Variants in ASXL3 observed in about 807,000 individuals in gnomAD.
The protein encoded by ASXL3 is ASXL transcriptional regulator 3.
ASXL3 carries 34 observed loss-of-function variants against 170.6 expected under a neutral mutation model. The ratio of observed to expected loss-of-function variants is 0.20; its 90% CI spans 0.15 to 0.27. The LOEUF (loss-of-function observed/expected upper bound fraction) is 0.27, where lower values mean the gene tolerates loss of function less well. Among genes scored for constraint, ASXL3 ranks in the 10% least tolerant of loss-of-function variants. The pLI is 1.00. For missense variants in ASXL3, 2,592 were observed against 2,695.3 expected (o/e 0.96, Z 0.85); for synonymous variants, 1,002 against 989.1 (o/e 1.01, Z -0.24).
intron 8 of ASXL3, among the ~76,000 whole-genome samples, chr18:33,723,211 G>C (rs1384143593): frequency 6.6e-6 from 1 of 152,102 alleles, no homozygotes; most frequent in Non-Finnish European, 1.5e-5. Context: ...TATTATTTAA[G>C]AAATGCATTT....
chr18:33,619,216 C>T (rs2065472851), intron 2 of ASXL3, among the ~76,000 whole-genome samples: 1 of 152,018 alleles, frequency 6.6e-6, no homozygotes, highest in Admixed American at 6.6e-5. Context: ...GCCAATTGTT[C>T]TTAACCTTTT....
At chr18:33,719,688 CAG>C (rs544367839) in intron 8 of ASXL3, among the ~76,000 whole-genome samples, 40 of 151,958 alleles carry the variant, frequency 2.6e-4, no homozygotes, top group Non-Finnish European at 5.6e-4. Flanking sequence ...ATCATGAGGA[CAG>C]AGTCTTCATG....
chr18:33,745,346 G>C lies in ASXL3; in HGVS notation c.5498G>C (p.Arg1833Thr). ...AACCACCCCAAAAAGAGAGTAGCTA[G>C]GACTGTAGGAGAACACACTCAAGTT... is the stretch of plus-strand genomic sequence containing the variant. The part of the protein sequence containing the change: ...RENHPKKRVA[R>T]TVGEHTQVKC... The change falls in exon 12 of 12, where the codon AGG (arginine) becomes ACG (threonine). Residue 1833 changes from arginine (R) to threonine (T), a missense_variant. Coordinates refer to ENST00000269197, the MANE Select transcript of ASXL3 (RefSeq NM_030632.3). 2 of 1,613,940 alleles carry C rather than the reference G, an allele frequency of 1.2e-6. No homozygotes were observed. Among genetic ancestry groups the C allele is most frequent in the Non-Finnish European group, 1.7e-6 (2 of 1,179,884 alleles).
intron 2 of ASXL3, among the ~76,000 whole-genome samples, chr18:33,620,052 A>T (rs2065485501): frequency 6.6e-6 from 1 of 152,080 alleles, no homozygotes; most frequent in Non-Finnish European, 1.5e-5. Context: ...TATCATGACC[A>T]CTTGTTCATC....
chr18:33,644,205 C>G (rs2065885108), intron 2 of ASXL3, among the ~76,000 whole-genome samples: 1 of 151,868 alleles, frequency 6.6e-6, no homozygotes. Flanking sequence ...ATATTCCAAT[C>G]ACTTGCATGT....
rs1025296593 is a variant in ASXL3, at chr18:33,671,635, G to C, written c.596-112G>C. ...GAATCAGATTGTGGCCAAAGGTAGT[G>C]TATTAACTCTAGAAAAGGAGATTAT... is the stretch of plus-strand genomic sequence containing the variant. On this transcript the variant is annotated intron_variant, in intron 6 of 11. Transcript: ENST00000269197. 4.2e-5 allele frequency: 38 copies of C among 914,602 alleles called. No homozygotes were observed. The African/African-American group carries it at 5.8e-4, about 14-fold the overall frequency. 56.7% of individuals were successfully genotyped at this position (914,602 alleles called of 1,614,324 possible).
chr18:33,702,218 G>T (rs1269843382), intron 8 of ASXL3, among the ~76,000 whole-genome samples: 1 of 152,038 alleles, frequency 6.6e-6, no homozygotes, highest in East Asian at 1.9e-4. Context: ...TTTCATAGAA[G>T]ATTTTCTTGT....
intron 8 of ASXL3, among the ~76,000 whole-genome samples, chr18:33,683,885 A>G (rs1171268801): frequency 2.6e-5 from 4 of 152,176 alleles, no homozygotes; most frequent in African/African-American, 9.7e-5. Context: ...CTTTGCCCAG[A>G]GGGAATACTG....
At chr18:33,603,997 C>T (rs560345987) in intron 1 of ASXL3, among the ~76,000 whole-genome samples, 5 of 152,016 alleles carry the variant, frequency 3.3e-5, no homozygotes, top group African/African-American at 1.2e-4. Flanking sequence ...ATATTCTTAG[C>T]GAAACTCAGC....
In ASXL3 at chr18:33,611,916, C is replaced by T. The variant is rs149983584; in HGVS notation, c.137+4240C>T. 6.1e-3 allele frequency among the ~76,000 whole-genome samples: 933 copies of T among 151,934 alleles called. 7 individuals carry two copies. The highest frequency in any genetic ancestry group is 0.021 in the African/African-American group (875 of 41,486). ...ATGTGTTTTTTGATGCCATGTCTTACGTAATTTTTAAAGTGGTGCTTCCAA... is the reference window on the plus strand; with the variant it reads ...ATGTGTTTTTTGATGCCATGTCTTATGTAATTTTTAAAGTGGTGCTTCCAA... On this transcript the variant is annotated intron_variant, in intron 2 of 11. Transcript: ENST00000269197.
intron 6 of ASXL3, 59 bp downstream of exon 6, chr18:33,670,849 T>A: frequency 8.9e-7 from 1 of 1,121,958 alleles, no homozygotes; most frequent in Non-Finnish European, 1.2e-6. Context: ...ACTTCCTCAC[T>A]GAAAGAGATG....
At chr18:33,591,008 G>C (rs2065072291) in intron 1 of ASXL3, among the ~76,000 whole-genome samples, 1 of 152,154 alleles carries the variant, frequency 6.6e-6, no homozygotes, top group African/African-American at 2.4e-5. Flanking sequence ...ATCCTTAGAT[G>C]ATATTAACTT....
chr18:33,673,298 C>T (rs1236212025), intron 7 of ASXL3, among the ~76,000 whole-genome samples: 4 of 152,118 alleles, frequency 2.6e-5, no homozygotes, highest in South Asian at 2.1e-4. Flanking sequence ...CCATTTATTT[C>T]CTTAGTAACT....
At chr18:33,701,369 A>G (rs1236142480) in intron 8 of ASXL3, among the ~76,000 whole-genome samples, 3 of 152,094 alleles carry the variant, frequency 2.0e-5, no homozygotes, top group Admixed American at 6.6e-5. Context: ...GAATCTATAA[A>G]TCATTTTAGG....
intron 4 of ASXL3, among the ~76,000 whole-genome samples, chr18:33,657,648 G>T (rs1255916744): frequency 6.6e-6 from 1 of 152,136 alleles, no homozygotes; most frequent in Non-Finnish European, 1.5e-5. Context: ...TGCTGGAGCA[G>T]TCACCAGTTC....
intron 8 of ASXL3, among the ~76,000 whole-genome samples, chr18:33,706,741 A>G (rs954979052): frequency 2.6e-5 from 4 of 151,628 alleles, no homozygotes; most frequent in African/African-American, 9.7e-5. Context: ...CCTTTGTCAA[A>G]TATATTGTTG....
chr18:33,634,020 A>C (rs1434439462), intron 2 of ASXL3, among the ~76,000 whole-genome samples: 1 of 152,180 alleles, frequency 6.6e-6, no homozygotes, highest in Non-Finnish European at 1.5e-5. Flanking sequence ...AAATACAAAA[A>C]GATCGGGAAG....
intron 8 of ASXL3, among the ~76,000 whole-genome samples, chr18:33,709,673 C>T (rs2067022801): frequency 6.6e-6 from 1 of 152,142 alleles, no homozygotes; most frequent in Admixed American, 6.5e-5. Context: ...AATCTTGTTG[C>T]TGATAACAAA....
intron 4 of ASXL3, among the ~76,000 whole-genome samples, chr18:33,658,893 A>G (rs1342960967): frequency 2.0e-5 from 3 of 152,090 alleles, no homozygotes; most frequent in Non-Finnish European, 2.9e-5. Context: ...TGCAGTTTCA[A>G]CTGTTGTCCT....
Sources: gnomAD v4.1 joint callset for allele counts (sites outside exome capture counted in the v4.1 genomes callset) on GRCh38, gnomAD v4.1.1 for gene constraint, MANE v1.5 for transcripts, NCBI Gene and HGNC (gene_info 2026-07-23, HGNC 2026-07-21) for gene names.